The following NCAPD3 variants were observed in gnomAD, a reference collection of about 807,000 sequenced individuals.
NCAPD3 encodes non-SMC condensin II complex subunit D3.
Under a neutral mutation model 182.9 loss-of-function variants are expected in NCAPD3, and 105 were observed. The observed-to-expected ratio is 0.57, with a 90% CI of 0.49 to 0.68. The LOEUF is 0.68. Among genes scored for constraint, NCAPD3 ranks in the 30% least tolerant of loss-of-function variants. The pLI is 0.00. For synonymous variants in NCAPD3, 815 were observed against 679.9 expected, an observed-to-expected ratio of 1.20 and a Z score of -3.09; for missense variants, 1,944 against 1,837.0, an observed-to-expected ratio of 1.06 and a Z score of -1.07.
intron 32 of NCAPD3, among the ~76,000 whole-genome samples, chr11:134,154,532 G>A (rs1259158): frequency 0.072 from 7,334 of 101,258 alleles, 523 homozygotes; most frequent in African/African-American, 0.15. Context: ...TTGGAGGCCC[G>A]GGTGGTGCAG....
chr11:134,150,695 C>G lies in NCAPD3; in HGVS notation c.*2249G>C, dbSNP rs1300387130. 6.6e-6 allele frequency: 1 copy of G among 151,894 alleles called. No homozygotes were observed. The highest frequency in any genetic ancestry group is 1.5e-5 in the Non-Finnish European group (1 of 67,998). The allele number at this position is 151,894 out of a possible 1,614,324, so 9.4% of individuals were successfully genotyped here. On this transcript the variant is annotated 3_prime_UTR_variant, in exon 35 of 35. Coordinates refer to ENST00000534548, the MANE Select transcript of NCAPD3 (RefSeq NM_015261.3). ...TGTTAAGATTGTCTAAGGCCAAAGG[C>G]AATTGCGAAATCAAGTCTGTCAAGT...
At chr11:134,187,998 T>C (rs1944446007) in intron 16 of NCAPD3, among the ~76,000 whole-genome samples, 1 of 152,178 alleles carries the variant, frequency 6.6e-6, no homozygotes, top group African/African-American at 2.4e-5. Context: ...AGTTAAAACG[T>C]GGCTGTTAGG....
intron 7 of NCAPD3, 32 bp from the exon 8 acceptor site, chr11:134,206,764 C>T (rs776373132): frequency 7.5e-6 from 12 of 1,591,932 alleles, no homozygotes; most frequent in East Asian, 4.5e-5. Context: ...AATTTAAGAT[C>T]GGATGGAGAA....
intron 32 of NCAPD3, among the ~76,000 whole-genome samples, chr11:134,155,149 A>C (rs1039097254): frequency 7.9e-5 from 12 of 152,180 alleles, no homozygotes; most frequent in East Asian, 5.8e-4. Context: ...TAAAACCCCC[A>C]CAGATTTTCA....
At chr11:134,156,343 C>G (rs1024001497) in intron 32 of NCAPD3, among the ~76,000 whole-genome samples, 3 of 152,186 alleles carry the variant, frequency 2.0e-5, no homozygotes, top group African/African-American at 7.2e-5. Flanking sequence ...CACAGGGACA[C>G]GGCGGCAGGG....
intron 27 of NCAPD3, among the ~76,000 whole-genome samples, chr11:134,163,957 A>G (rs1408908523): frequency 2.0e-5 from 3 of 152,054 alleles, no homozygotes; most frequent in Non-Finnish European, 4.4e-5. Flanking sequence ...AAGAAACCAG[A>G]AACAGAAAGG....
chr11:134,159,973 C>T lies in NCAPD3; in HGVS notation c.3786G>A (p.Gln1262=), dbSNP rs1425093919. The change falls in exon 29 of 35, where the codon CAG becomes CAA. Residue 1262 remains glutamine, a synonymous_variant. Coordinates refer to ENST00000534548, the MANE Select transcript of NCAPD3 (RefSeq NM_015261.3). ...LEYDMKKYQE[Q]LVQEQELAKH... is the part of the protein sequence containing the mutation. ...TTGCTAGCTCCTGCTCCTGGACCAG[C>T]TGTTCCTGGTACTTCTTCATGTCAT... 10 of 1,614,044 alleles carry T rather than the reference C, an allele frequency of 6.2e-6. No individual in the cohort carries two copies. Among genetic ancestry groups the T allele is most frequent in the Non-Finnish European group, 8.5e-6 (10 of 1,180,044 alleles).
chr11:134,172,806 G>A (rs1189138280), intron 24 of NCAPD3, among the ~76,000 whole-genome samples: 1 of 152,060 alleles, frequency 6.6e-6, no homozygotes, highest in African/African-American at 2.4e-5. Flanking sequence ...GGGAGGCTGA[G>A]GTGAGAAGAT....
rs78491962 is a variant in NCAPD3, at chr11:134,159,143, G to A, written c.3868-648C>T. Among the ~76,000 whole-genome samples the A allele has an allele frequency of 3.2e-3, 487 of 152,238 alleles. 7 individuals carry two copies. Among genetic ancestry groups the A allele is most frequent in the East Asian group, 0.015 (78 of 5,182 alleles). ...AACATGGGAGTGCAGGTATGTCTTC[G>A]ACATCCTGATTTCCTTTCTTTTGAC... On this transcript the variant is annotated intron_variant, in intron 29 of 34. Transcript: ENST00000534548.
intron 1 of NCAPD3, 110 bp downstream of exon 1, chr11:134,223,753 C>G: frequency 7.5e-7 from 1 of 1,333,678 alleles, no homozygotes; most frequent in African/African-American, 1.5e-5. Context: ...CGCCGACAGC[C>G]GGGCGCCCCC....
At chr11:134,171,370 C>T (rs551200297) in intron 24 of NCAPD3, among the ~76,000 whole-genome samples, 1 of 152,166 alleles carries the variant, frequency 6.6e-6, no homozygotes, top group Non-Finnish European at 1.5e-5. Flanking sequence ...GCCCAAAAGG[C>T]CACAAGGTAA....
chr11:134,185,906 C>CTTTTTTTTTTTTTT (rs34931150), intron 16 of NCAPD3: 3 of 138,312 alleles, frequency 2.2e-5, no homozygotes, highest in Non-Finnish European at 3.1e-5. Flanking sequence ...TAACATTGTC[C>CTTTTTTTTTTTTTT]TTTTTTTTTT....
In NCAPD3 at chr11:134,160,045, G is replaced by A. The variant is rs372376150; in HGVS notation, c.3714C>T (p.Leu1238=). ...REVMQDYRDE[L]KDFFAVDKQL... is the part of the protein sequence containing the mutation. ...GTTTGTCAACTGCAAAGAAGTCCTTGAGCTCATCTCGGTAATCCTGCATCA... is the reference window on the plus strand; with the variant it reads ...GTTTGTCAACTGCAAAGAAGTCCTTAAGCTCATCTCGGTAATCCTGCATCA... Residue 1238 remains leucine (L), a synonymous_variant, in exon 29 of 35, where the codon CTC becomes CTT. Coordinates refer to ENST00000534548, the MANE Select transcript of NCAPD3 (RefSeq NM_015261.3). The A allele has an allele frequency of 6.2e-7, 1 of 1,614,096 alleles. No homozygotes were observed. Among genetic ancestry groups the A allele is most frequent in the Non-Finnish European group, 8.5e-7 (1 of 1,180,026 alleles).
Position 134,152,811 on chromosome 11 carries a change from G to T in NCAPD3, c.*133C>A. The T allele has an allele frequency of 2.9e-6, 2 of 681,812 alleles. No individual in the cohort carries two copies. The highest frequency in any genetic ancestry group is 2.5e-6 in the Non-Finnish European group (1 of 396,212). The allele number at this position is 681,812 out of a possible 1,614,324, so 42.2% of individuals were successfully genotyped here. Reference sequence around the variant, plus strand: ...AGAAGGTGAGTGCCAGGCCCCTGAGGAGGAGCTCTCGTGTTCCACAGCAAA... The same window carrying T: ...AGAAGGTGAGTGCCAGGCCCCTGAGTAGGAGCTCTCGTGTTCCACAGCAAA... On this transcript the variant is annotated 3_prime_UTR_variant, in exon 35 of 35. Coordinates refer to ENST00000534548, the MANE Select transcript of NCAPD3 (RefSeq NM_015261.3).
rs368856823 is a variant in NCAPD3, at chr11:134,185,394, A to G, written c.2178T>C (p.Ala726=). The change falls in exon 17 of 35, where the codon GCT becomes GCC. Residue 726 remains alanine (A), a synonymous_variant. Transcript: ENST00000534548. ...APAWMLLSKI[A]GSSPRLDYSR... ...TGTAGTCCAGCCTGGGTGAGGAGCC[A>G]GCAATCTTGGAGAGCAGCATCCAGG... The G allele has an allele frequency of 5.0e-6, 8 of 1,613,948 alleles. No homozygotes were observed. The African/African-American group carries it at 1.1e-4, about 22-fold the overall frequency.
At chr11:134,167,891 T>A (rs1376865853) in intron 27 of NCAPD3, 105 bp downstream of exon 27, 1 of 1,022,720 alleles carries the variant, frequency 9.8e-7, no homozygotes, top group South Asian at 1.5e-5. Context: ...AGGTGCACAC[T>A]CACTTGTGAG....
Position 134,169,013 on chromosome 11 carries a change from T to C in NCAPD3, c.3143A>G (p.Asn1048Ser). 2.5e-6 allele frequency: 4 copies of C among 1,614,062 alleles called. No individual in the cohort carries two copies. The highest frequency in any genetic ancestry group is 3.4e-6 in the Non-Finnish European group (4 of 1,179,968). ...FCLAHLLLKRNPVMFFQHFIE... is the reference protein window; with the variant it reads ...FCLAHLLLKRSPVMFFQHFIE... ...GAAGTGTTGGAAGAACATGACAGGGTTCCTCTTCAGTAACAGGTGAGCCAG... is the reference window on the plus strand; with the variant it reads ...GAAGTGTTGGAAGAACATGACAGGGCTCCTCTTCAGTAACAGGTGAGCCAG... Residue 1048 changes from asparagine to serine, a missense_variant, in exon 25 of 35, where the codon AAC becomes AGC. Asn to Ser is a conservative substitution (Grantham distance 46). Transcript: ENST00000534548.
At position 134,185,536 on chromosome 11, in the gene NCAPD3, A is replaced by G. The variant is rs756700639; in HGVS notation, c.2046-10T>C. ...CTTATTTAAATATCGGCTGGAAAAAAAAAAGATAGAAAAGCAGAATTGCAA... is the reference window on the plus strand; with the variant it reads ...CTTATTTAAATATCGGCTGGAAAAAGAAAAGATAGAAAAGCAGAATTGCAA... On this transcript the variant is annotated splice_polypyrimidine_tract_variant and intron_variant, in intron 16 of 34. Coordinates refer to ENST00000534548, the MANE Select transcript of NCAPD3 (RefSeq NM_015261.3). 7.0e-6 allele frequency: 11 copies of G among 1,572,938 alleles called. No individual in the cohort carries two copies. The highest frequency in any genetic ancestry group is 8.6e-6 in the Non-Finnish European group (10 of 1,160,146).
chr11:134,167,367 C>T (rs1385112245), intron 27 of NCAPD3, among the ~76,000 whole-genome samples: 1 of 77,930 alleles, frequency 1.3e-5, no homozygotes, highest in Non-Finnish European at 2.4e-5. Context: ...TTGGGGGAGG[C>T]GCACACTCGT....
Sources: gnomAD v4.1 joint callset for allele counts (sites outside exome capture counted in the v4.1 genomes callset) on GRCh38, gnomAD v4.1.1 for gene constraint, MANE v1.5 for transcripts, NCBI Gene and HGNC (gene_info 2026-07-23, HGNC 2026-07-21) for gene names.